The following PLCE1 variants were observed in gnomAD, a reference collection of about 807,000 sequenced individuals.
PLCE1 encodes the protein 1-phosphatidylinositol 4,5-bisphosphate phosphodiesterase epsilon-1.
A neutral mutation model predicts 242.8 loss-of-function variants in PLCE1; 119 were observed. That is an observed-to-expected ratio of 0.49 (90% confidence interval 0.42 to 0.57). The LOEUF is 0.57. Among genes scored for constraint, PLCE1 ranks in the 20% least tolerant of loss-of-function variants. The pLI is 0.00. For missense variants in PLCE1, 2,441 were observed against 2,788.8 expected (o/e 0.88, Z 2.81); for synonymous variants, 945 against 1,017.4 (o/e 0.93, Z 1.35).
chr10:94,223,231 T>TAAAAAAAA (rs2049819790), intron 4 of PLCE1, among the ~76,000 whole-genome samples: 1 of 16,684 alleles, frequency 6.0e-5, no homozygotes, highest in Non-Finnish European at 1.1e-4. Flanking sequence ...ACTCCATCTC[T>TAAAAAAAA]ACAAAAAAAA....
At chr10:94,221,638 G>A (rs561415742) in intron 4 of PLCE1, among the ~76,000 whole-genome samples, 1 of 152,298 alleles carries the variant, frequency 6.6e-6, no homozygotes. Context: ...GGGAGGCTGA[G>A]GCAGGAGAAT....
intron 2 of PLCE1, among the ~76,000 whole-genome samples, chr10:94,084,634 T>TA (rs1314870783): frequency 1.3e-5 from 2 of 152,258 alleles, no homozygotes; most frequent in Non-Finnish European, 2.9e-5. Context: ...GAGGTGGCTT[T>TA]GTCTTTTATC....
intron 4 of PLCE1, among the ~76,000 whole-genome samples, chr10:94,222,366 T>C (rs1413078291): frequency 6.6e-6 from 1 of 151,554 alleles, no homozygotes; most frequent in East Asian, 1.9e-4. Flanking sequence ...TTCATTCATA[T>C]GTTCACTCCT....
chr10:94,269,056 T>A lies in PLCE1; in HGVS notation c.4389+20T>A. ...TTCAAGGTAATCCTTCATAACTTTC[T>A]TTAAATCAAATCACAAAGAGACATT... is the stretch of plus-strand genomic sequence containing the variant. On this transcript the variant is annotated intron_variant, in intron 17 of 32. Transcript: ENST00000371380. The A allele has an allele frequency of 1.6e-6, 2 of 1,232,270 alleles. No individual in the cohort carries two copies. The highest frequency in any genetic ancestry group is 2.4e-6 in the Non-Finnish European group (2 of 834,360). 76.3% of individuals were successfully genotyped at this position (1,232,270 alleles called of 1,614,324 possible).
intron 3 of PLCE1, among the ~76,000 whole-genome samples, chr10:94,147,078 C>G (rs1445204916): frequency 6.6e-6 from 1 of 152,128 alleles, no homozygotes; most frequent in Admixed American, 6.5e-5. Context: ...TCTCCCCCAA[C>G]AGTTAAGTGG....
At chr10:94,140,566 C>T (rs1302032062) in intron 3 of PLCE1, among the ~76,000 whole-genome samples, 1 of 152,184 alleles carries the variant, frequency 6.6e-6, no homozygotes, top group Admixed American at 6.5e-5. Context: ...TTTTCTTTCA[C>T]TACAATAAGC....
intron 3 of PLCE1, among the ~76,000 whole-genome samples, chr10:94,146,262 G>A (rs758231591): frequency 2.6e-5 from 4 of 152,076 alleles, no homozygotes; most frequent in Non-Finnish European, 5.9e-5. Context: ...GGCCCACTTA[G>A]TTTTCATTGG....
chr10:94,026,415 C>A (rs767794187), intron 1 of PLCE1, among the ~76,000 whole-genome samples: 5 of 152,144 alleles, frequency 3.3e-5, no homozygotes, highest in Non-Finnish European at 7.4e-5. Flanking sequence ...CTTATCCAAT[C>A]TCCCCCATAA....
chr10:94,262,312 A>G (rs12777450), intron 13 of PLCE1, among the ~76,000 whole-genome samples, 182 bp from the exon 14 acceptor site: 671 of 152,158 alleles, frequency 4.4e-3, no homozygotes, highest in Admixed American at 7.1e-3. Flanking sequence ...TTATTTATTC[A>G]TTGATTTGTT....
chr10:94,293,489 T>A lies in PLCE1; in HGVS notation c.5036-19T>A, dbSNP rs1364682259. 6.2e-7 allele frequency: 1 copy of A among 1,612,406 alleles called. No homozygotes were observed. Among genetic ancestry groups the A allele is most frequent in the South Asian group, 1.1e-5 (1 of 90,974 alleles). On this transcript the variant is annotated intron_variant, in intron 22 of 32. Coordinates refer to ENST00000371380, the MANE Select transcript of PLCE1 (RefSeq NM_016341.4). Reference sequence around the variant, plus strand: ...TGCTTGTAGTTTTTGGCTTATTTATTTTCATTTTATGGGAACAGGACTGTC... The same window carrying A: ...TGCTTGTAGTTTTTGGCTTATTTATATTCATTTTATGGGAACAGGACTGTC...
At chr10:94,222,240 A>G (rs1054147074) in intron 4 of PLCE1, among the ~76,000 whole-genome samples, 2 of 152,212 alleles carry the variant, frequency 1.3e-5, no homozygotes, top group Non-Finnish European at 2.9e-5. Flanking sequence ...CTTTGAACTC[A>G]AGGTCCTACA....
At chr10:94,019,366 A>G (rs2061335371) in intron 1 of PLCE1, among the ~76,000 whole-genome samples, 1 of 152,206 alleles carries the variant, frequency 6.6e-6, no homozygotes, top group African/African-American at 2.4e-5. Flanking sequence ...GGAGTAAAGT[A>G]TACATCTATA....
In PLCE1 at chr10:94,289,814, A is replaced by G. The variant is rs1234384875; in HGVS notation, c.5036-3694A>G. On this transcript the variant is annotated intron_variant, in intron 22 of 32. Transcript: ENST00000371380. ...ATGTGAAGACCTGGGACATTACTGT[A>G]CATGACTATCGACTTTATAAACACT... is the stretch of plus-strand genomic sequence containing the variant. Among the ~76,000 whole-genome samples the G allele has an allele frequency of 2.0e-5, 3 of 152,234 alleles. No individual in the cohort carries two copies. The East Asian group carries it at 5.8e-4, about 29-fold the overall frequency.
Position 94,306,806 on chromosome 10 carries a change from GA to G in PLCE1, c.5884+120del. ...TTTTCCTATAAAGAAGTTGAATTAA[GA>G]AGCAAAAGGAAATACAAATTGGAGC... On this transcript the variant is annotated intron_variant, in intron 26 of 32. Transcript: ENST00000371380. The surrounding 1 kb of genome is among the most constrained non-coding windows in gnomAD (Gnocchi z 5.7). 1.2e-6 allele frequency: 1 copy of G among 830,770 alleles called. No homozygotes were observed. 51.5% of individuals were successfully genotyped at this position (830,770 alleles called of 1,614,324 possible). A position where few individuals can be genotyped will look rare whatever the true frequency, so the allele number is the denominator to read the frequency against.
intron 11 of PLCE1, among the ~76,000 whole-genome samples, chr10:94,256,648 A>G (rs2132911099): frequency 6.6e-6 from 1 of 152,342 alleles, no homozygotes; most frequent in Non-Finnish European, 1.5e-5. Flanking sequence ...CCTGGATTAA[A>G]TGGCATTTCC....
chr10:94,033,595 C>T (rs2061605506), intron 2 of PLCE1, among the ~76,000 whole-genome samples: 1 of 151,898 alleles, frequency 6.6e-6, no homozygotes, highest in African/African-American at 2.4e-5. Context: ...TTTTCCTCAA[C>T]CAGATTTCCA....
intron 2 of PLCE1, among the ~76,000 whole-genome samples, chr10:94,049,517 A>G (rs1303804398): frequency 6.6e-6 from 1 of 152,198 alleles, no homozygotes; most frequent in East Asian, 1.9e-4. Context: ...CAGTAACATT[A>G]GGAAGTCCTA....
chr10:94,207,514 C>CGTGTGTGTGTGTGT lies in PLCE1; in HGVS notation c.1810-19765_1810-19752dup. Among the ~76,000 whole-genome samples, 3 of 142,876 alleles carry CGTGTGTGTGTGTGT rather than the reference C, an allele frequency of 2.1e-5. 1 individual carries two copies. The Middle Eastern group carries it at 0.01, about 496-fold the overall frequency. 93.7% of individuals were successfully genotyped at this position (142,876 alleles called of 152,430 possible). A position where few individuals can be genotyped will look rare whatever the true frequency, so the allele number is the denominator to read the frequency against. ...ACAAATAAATGAGGGAATAGTTATA[C>CGTGTGTGTGTGTGT]GTGTGTGTGTGTGTGTGTGTGTGTG... On this transcript the variant is annotated intron_variant, in intron 4 of 32. Transcript: ENST00000371380.
At chr10:94,076,103 C>CTG (rs1194088811) in intron 2 of PLCE1, among the ~76,000 whole-genome samples, 2 of 143,710 alleles carry the variant, frequency 1.4e-5, no homozygotes, top group African/African-American at 2.7e-5. Context: ...ACCATTGGCC[C>CTG]TGTGTGTGTG....
Sources: gnomAD v4.1 joint callset for allele counts (sites outside exome capture counted in the v4.1 genomes callset) on GRCh38, gnomAD v4.1.1 for gene constraint, Gnocchi (gnomAD v3.1) non-coding constraint, MANE v1.5 for transcripts, NCBI Gene and HGNC (gene_info 2026-07-23, HGNC 2026-07-21) for gene names.